The following ZNF148 variants were observed in gnomAD, a reference collection of about 807,000 sequenced individuals.
ZNF148 encodes zinc finger protein 148, also known as Beta-Enolase Repressor Factor-1.
ZNF148 carries 7 observed loss-of-function variants against 67.7 expected under a neutral mutation model. The observed-to-expected ratio is 0.10, with a 90% CI of 0.06 to 0.19. The LOEUF is 0.19. ZNF148 is among the 10% of genes least tolerant of loss of function. ZNF148 has a pLI of 1.00. For synonymous variants in ZNF148, 333 were observed against 330.7 expected (o/e 1.01, Z -0.08); for missense variants, 583 against 947.1 (o/e 0.62, Z 5.05).
intron 1 of ZNF148, among the ~76,000 whole-genome samples, chr3:125,370,907 C>T (rs1942857567): frequency 1.3e-5 from 2 of 152,112 alleles, no homozygotes; most frequent in African/African-American, 4.8e-5. Context: ...AATTCTTTAC[C>T]TTTTCTTCAG....
chr3:125,286,796 T>C (rs1938685133), intron 5 of ZNF148, among the ~76,000 whole-genome samples: 1 of 152,152 alleles, frequency 6.6e-6, no homozygotes, highest in East Asian at 1.9e-4. Flanking sequence ...TCTGCACAAA[T>C]TTGAAAAAAG....
intron 7 of ZNF148, among the ~76,000 whole-genome samples, chr3:125,273,432 C>A (rs1466178461): frequency 6.6e-6 from 1 of 151,654 alleles, no homozygotes; most frequent in African/African-American, 2.4e-5. Context: ...AAAAAGAAAC[C>A]TAGTGAACAT....
chr3:125,359,688 T>C (rs1942475863), intron 1 of ZNF148, among the ~76,000 whole-genome samples: 1 of 152,252 alleles, frequency 6.6e-6, no homozygotes, highest in Non-Finnish European at 1.5e-5. Context: ...AATGTCTCTA[T>C]CACTGACAAT....
rs578133254 is a variant in ZNF148 at position 125,242,981 on chromosome 3, G to A, written c.668-8652C>T. Among the ~76,000 whole-genome samples the A allele has an allele frequency of 1.4e-4, 21 of 152,134 alleles. 1 individual carries two copies. The East Asian group carries it at 3.5e-3, about 25-fold the overall frequency. On this transcript the variant is annotated intron_variant, in intron 7 of 8. Coordinates refer to ENST00000360647, the MANE Select transcript of ZNF148 (RefSeq NM_021964.3). ...TCATTGCTTTTTCTGCATTCTTCTC[G>A]TTTGTCCTGCTGGACCACTTTCCAT...
In ZNF148 at chr3:125,375,269, C is replaced by T. The variant is rs999367538; in HGVS notation, c.-401G>A. The T allele has an allele frequency of 6.5e-6, 1 of 154,468 alleles. No individual in the cohort carries two copies. Among genetic ancestry groups the T allele is most frequent in the South Asian group, 2.0e-4 (1 of 4,946 alleles). The allele number at this position is 154,468 out of a possible 1,614,324, so 9.6% of individuals were successfully genotyped here. ...CTTTCTCCTCTTCCTCCCCCTCCTC[C>T]TCCTCCTCCTCTTCCTCCTTCTCTT... On this transcript the variant is annotated 5_prime_UTR_variant, in exon 1 of 9. Coordinates refer to ENST00000360647, the MANE Select transcript of ZNF148 (RefSeq NM_021964.3).
chr3:125,258,300 C>T (rs1197142700), intron 7 of ZNF148, among the ~76,000 whole-genome samples: 3 of 151,476 alleles, frequency 2.0e-5, no homozygotes, highest in Non-Finnish European at 4.4e-5. Flanking sequence ...TGGCAGGTGC[C>T]TGTATTCCCA....
intron 4 of ZNF148, among the ~76,000 whole-genome samples, chr3:125,296,598 T>C (rs1939296067): frequency 6.6e-6 from 1 of 152,194 alleles, no homozygotes; most frequent in Admixed American, 6.5e-5. Context: ...TCATCTTTTG[T>C]AGACTACAAT....
At chr3:125,301,575 A>C in intron 4 of ZNF148, among the ~76,000 whole-genome samples, 1 of 152,260 alleles carries the variant, frequency 6.6e-6, no homozygotes, top group East Asian at 1.9e-4. Context: ...AAAATAAGTT[A>C]ACATAAAGTT....
chr3:125,314,392 A>C (rs1350897482), intron 3 of ZNF148, among the ~76,000 whole-genome samples: 1 of 152,234 alleles, frequency 6.6e-6, no homozygotes, highest in Non-Finnish European at 1.5e-5. Context: ...AAATCACTAC[A>C]GTAGTCAATA....
At chr3:125,345,791 G>C (rs1298190426) in intron 1 of ZNF148, among the ~76,000 whole-genome samples, 1 of 151,858 alleles carries the variant, frequency 6.6e-6, no homozygotes, top group African/African-American at 2.4e-5. Flanking sequence ...TAACCCCATA[G>C]CCATTAAATA....
intron 7 of ZNF148, among the ~76,000 whole-genome samples, chr3:125,272,885 T>C (rs1351608211): frequency 6.6e-6 from 1 of 152,252 alleles, no homozygotes; most frequent in Non-Finnish European, 1.5e-5. Flanking sequence ...TGGCAAGCTC[T>C]GTCCATGCCA....
At chr3:125,314,292 A>G (rs1940379545) in intron 3 of ZNF148, among the ~76,000 whole-genome samples, 1 of 152,222 alleles carries the variant, frequency 6.6e-6, no homozygotes, top group African/African-American at 2.4e-5. Flanking sequence ...ATCAAAAGCT[A>G]TAAAAATGTA....
In ZNF148 at chr3:125,299,514, A is replaced by T. The variant is rs866133127; in HGVS notation, c.334-11286T>A. On this transcript the variant is annotated intron_variant, in intron 4 of 8. Transcript: ENST00000360647. ...TTTCCATCTCTGTAAAAAATTTAAA[A>T]ATAAAAATAATAAAGTCATCTATAA... Among the ~76,000 whole-genome samples the T allele has an allele frequency of 3.5e-4, 54 of 152,326 alleles. No homozygotes were observed. In the Middle Eastern group the frequency reaches 0.017, roughly 48 times the overall value.
At chr3:125,328,154 A>T (rs1001728225) in intron 2 of ZNF148, among the ~76,000 whole-genome samples, 1 of 152,146 alleles carries the variant, frequency 6.6e-6, no homozygotes, top group Non-Finnish European at 1.5e-5. Flanking sequence ...AAGAAAAAGA[A>T]GCAAAAGTCA....
intron 1 of ZNF148, among the ~76,000 whole-genome samples, chr3:125,335,392 C>G (rs1362825933): frequency 6.6e-6 from 1 of 152,142 alleles, no homozygotes; most frequent in African/African-American, 2.4e-5. Context: ...AAAAGTCACC[C>G]AAGGTCACAT....
intron 7 of ZNF148, among the ~76,000 whole-genome samples, chr3:125,253,363 T>C (rs1366099284): frequency 6.6e-6 from 1 of 152,200 alleles, no homozygotes; most frequent in Non-Finnish European, 1.5e-5. Context: ...TACTATAAAT[T>C]ATCTGCAAGT....
At chr3:125,359,612 AAGTTTTTGCC>A (rs1942473820) in intron 1 of ZNF148, among the ~76,000 whole-genome samples, 1 of 152,182 alleles carries the variant, frequency 6.6e-6, no homozygotes, top group African/African-American at 2.4e-5. Flanking sequence ...TTACTTATGC[AAGTTTTTGCC>A]AGTTTTTGCA....
At position 125,226,267 on chromosome 3, in the gene ZNF148, TTC is replaced by T. The variant is rs1935628038; in HGVS notation, c.*6072_*6073del. ...CTGTTAATTCCACACAGAAATTCTT[TTC>T]TCTTTACGGTTATATCTATGCACCA... On this transcript the variant is annotated 3_prime_UTR_variant, in exon 9 of 9. Coordinates refer to ENST00000360647, the MANE Select transcript of ZNF148 (RefSeq NM_021964.3). 6.6e-6 allele frequency: 1 copy of T among 152,640 alleles called. No individual in the cohort carries two copies. Among genetic ancestry groups the T allele is most frequent in the African/African-American group, 2.4e-5 (1 of 41,452 alleles). The allele number at this position is 152,640 out of a possible 1,614,324, so 9.5% of individuals were successfully genotyped here.
intron 3 of ZNF148, among the ~76,000 whole-genome samples, chr3:125,321,104 T>A (rs559914361): frequency 6.6e-6 from 1 of 152,302 alleles, no homozygotes; most frequent in East Asian, 1.9e-4. Flanking sequence ...ACAAAATCTA[T>A]TTCTTGTCTA....
Sources: allele counts gnomAD v4.1 joint callset (sites outside exome capture counted in the v4.1 genomes callset), GRCh38; gene constraint gnomAD v4.1.1; transcripts MANE v1.5; gene names NCBI Gene and HGNC (gene_info 2026-07-23, HGNC 2026-07-21).